Variants in SGCZ observed in about 807,000 individuals in gnomAD.
SGCZ encodes the protein sarcoglycan zeta, also known as zeta-sarcoglycan.
SGCZ carries 40 observed loss-of-function variants against 41.3 expected under a neutral mutation model. That is an observed-to-expected ratio of 0.97 (90% CI 0.75 to 1.26). The LOEUF (loss-of-function observed/expected upper bound fraction) is 1.26. SGCZ is among the 50% of genes most tolerant of loss of function. The probability of loss-of-function intolerance (pLI) is 0.00; values close to 1 mark genes in which losing one functional copy is unlikely to be tolerated. For missense variants in SGCZ, 552 were observed against 369.8 expected (o/e 1.49, Z -4.04); for synonymous variants, 206 against 137.5 (o/e 1.50, Z -3.49).
intron 1 of SGCZ, among the ~76,000 whole-genome samples, chr8:15,111,271 G>T (rs980014728): frequency 1.3e-5 from 2 of 152,066 alleles, no homozygotes; most frequent in African/African-American, 4.8e-5. Flanking sequence ...CCATTTCCAC[G>T]GCTGGGTAAC....
At chr8:15,098,166 T>C (rs17574840) in intron 1 of SGCZ, among the ~76,000 whole-genome samples, 10,060 of 150,730 alleles carry the variant, frequency 0.067, 392 homozygotes, top group Admixed American at 0.1. Context: ...AAAACAGATG[T>C]TGTAAAAGGA....
chr8:14,474,447 A>G (rs1479514469), intron 2 of SGCZ, among the ~76,000 whole-genome samples: 1 of 152,218 alleles, frequency 6.6e-6, no homozygotes, highest in East Asian at 1.9e-4. Context: ...TGATGCTAAA[A>G]ATTAGTTCTT....
In SGCZ at chr8:14,670,603, C is replaced by A. The variant is rs190831287; in HGVS notation, c.40-115677G>T. Among the ~76,000 whole-genome samples, 11 of 152,180 alleles carry A rather than the reference C, an allele frequency of 7.2e-5. No individual in the cohort carries two copies. The East Asian group carries it at 9.6e-4, about 13-fold the overall frequency. On this transcript the variant is annotated intron_variant, in intron 1 of 7. Coordinates refer to ENST00000382080, the MANE Select transcript of SGCZ (RefSeq NM_139167.4). The stretch of plus-strand genomic sequence containing the variant: ...TCTAATCTACAAAATGTTCTTACAC[C>A]TGAGGAAAATAATACACTTAGTACA...
At chr8:14,127,121 C>A (rs776167949) in intron 5 of SGCZ, among the ~76,000 whole-genome samples, 2 of 152,022 alleles carry the variant, frequency 1.3e-5, no homozygotes, top group Non-Finnish European at 2.9e-5. Context: ...ATGTAAGAAA[C>A]CTGCACGTTC....
chr8:15,061,625 G>A (rs1804937680), intron 1 of SGCZ, among the ~76,000 whole-genome samples: 1 of 151,988 alleles, frequency 6.6e-6, no homozygotes, highest in Non-Finnish European at 1.5e-5. Context: ...AGAACTCAGT[G>A]CTCTTTCCTT....
intron 1 of SGCZ, among the ~76,000 whole-genome samples, chr8:14,802,354 T>C (rs1273113147): frequency 6.6e-6 from 1 of 152,226 alleles, no homozygotes; most frequent in Non-Finnish European, 1.5e-5. Flanking sequence ...AAATGTGTTC[T>C]TAACAAAAGA....
intron 1 of SGCZ, among the ~76,000 whole-genome samples, chr8:14,633,184 C>G (rs557365827): frequency 6.6e-6 from 1 of 152,032 alleles, no homozygotes; most frequent in Non-Finnish European, 1.5e-5. Flanking sequence ...ACATTTGCTA[C>G]CTGCATAATT....
intron 1 of SGCZ, among the ~76,000 whole-genome samples, chr8:15,188,734 C>T (rs1012971955): frequency 6.6e-6 from 1 of 152,066 alleles, no homozygotes; most frequent in Non-Finnish European, 1.5e-5. Context: ...AATAAATACA[C>T]ATGCTGCAAT....
chr8:14,586,140 A>G (rs1209654610), intron 1 of SGCZ, among the ~76,000 whole-genome samples: 1 of 152,192 alleles, frequency 6.6e-6, no homozygotes, highest in African/African-American at 2.4e-5. Flanking sequence ...TCGTTGTCTT[A>G]GATTTCATGC....
At chr8:14,550,797 G>C (rs916365603) in intron 2 of SGCZ, among the ~76,000 whole-genome samples, 1 of 151,968 alleles carries the variant, frequency 6.6e-6, no homozygotes, top group Non-Finnish European at 1.5e-5. Context: ...CTGCCTTTCA[G>C]GGTTTAAGCA....
chr8:14,280,662 C>T (rs1046403122), intron 3 of SGCZ, among the ~76,000 whole-genome samples: 52 of 151,828 alleles, frequency 3.4e-4, no homozygotes, highest in African/African-American at 1.0e-3. Flanking sequence ...ACAATCATTA[C>T]TATTACTATT....
chr8:14,862,790 G>C (rs372213418), intron 1 of SGCZ, among the ~76,000 whole-genome samples: 121 of 151,912 alleles, frequency 8.0e-4, no homozygotes, highest in African/African-American at 2.8e-3. Flanking sequence ...TGTATGAGCA[G>C]AGAGAAACCT....
chr8:15,175,966 TCAGACAGCA>T (rs1799988086), intron 1 of SGCZ, among the ~76,000 whole-genome samples: 3 of 152,184 alleles, frequency 2.0e-5, no homozygotes, highest in Non-Finnish European at 2.9e-5. Flanking sequence ...TTTGCAGCTT[TCAGACAGCA>T]TTAAACACCA....
chr8:14,239,267 A>T (rs977807809), intron 3 of SGCZ, among the ~76,000 whole-genome samples: 3 of 151,720 alleles, frequency 2.0e-5, no homozygotes, highest in Admixed American at 6.6e-5. Flanking sequence ...ACACACACAC[A>T]CACACACACA....
At chr8:14,586,032 T>C (rs998781108) in intron 1 of SGCZ, among the ~76,000 whole-genome samples, 1 of 152,146 alleles carries the variant, frequency 6.6e-6, no homozygotes, top group African/African-American at 2.4e-5. Flanking sequence ...TAATTTTATT[T>C]AAAACAAAAC....
chr8:14,208,893 T>C (rs1171500858), intron 4 of SGCZ, among the ~76,000 whole-genome samples: 1 of 152,188 alleles, frequency 6.6e-6, no homozygotes, highest in Non-Finnish European at 1.5e-5. Context: ...AGTAAGGTTT[T>C]CCTTTTACTG....
chr8:14,563,453 C>A (rs2117212233), intron 1 of SGCZ, among the ~76,000 whole-genome samples: 1 of 152,236 alleles, frequency 6.6e-6, no homozygotes, highest in Middle Eastern at 3.4e-3. Context: ...ATGCCTAAGA[C>A]AATTCGTTTA....
chr8:14,332,872 A>G lies in SGCZ; in HGVS notation c.235-8668T>C, dbSNP rs113018892. Among the ~76,000 whole-genome samples, 13 of 150,712 alleles carry G rather than the reference A, an allele frequency of 8.6e-5. 1 individual carries two copies. Among genetic ancestry groups the G allele is most frequent in the African/African-American group, 2.7e-4 (11 of 41,202 alleles). ...GTATATATATAATGTTCTCCTATAT[A>G]GGTTTGTATATATTATATGTGTGTC... is the stretch of plus-strand genomic sequence containing the variant. On this transcript the variant is annotated intron_variant, in intron 2 of 7. Transcript: ENST00000382080.
chr8:14,578,191 A>G (rs145839252), intron 1 of SGCZ, among the ~76,000 whole-genome samples: 2 of 152,220 alleles, frequency 1.3e-5, no homozygotes, highest in Non-Finnish European at 2.9e-5. Flanking sequence ...ATGGCAAAGC[A>G]CTGATGAAAA....
Sources: allele counts gnomAD v4.1 joint callset (sites outside exome capture counted in the v4.1 genomes callset), GRCh38; gene constraint gnomAD v4.1.1; transcripts MANE v1.5; gene names NCBI Gene and HGNC (gene_info 2026-07-23, HGNC 2026-07-21).